The following NCALD variants were observed in gnomAD, a reference collection of about 807,000 sequenced individuals.
NCALD encodes the protein neurocalcin-delta.
Under a neutral mutation model 18.6 loss-of-function variants are expected in NCALD, and 10 were observed. The ratio of observed to expected loss-of-function variants is 0.54; its 90% CI spans 0.33 to 0.91. NCALD has a LOEUF of 0.91. Among genes scored for constraint, NCALD ranks in the 40% least tolerant of loss-of-function variants. The pLI is 0.03. For missense variants in NCALD, 184 were observed against 247.6 expected, an observed-to-expected ratio of 0.74 and a Z score of 1.72; for synonymous variants, 88 against 87.4, an observed-to-expected ratio of 1.01 and a Z score of -0.04.
chr8:101,787,291 A>T (rs1245083466), intron 1 of NCALD, among the ~76,000 whole-genome samples: 1 of 152,222 alleles, frequency 6.6e-6, no homozygotes, highest in Non-Finnish European at 1.5e-5. Flanking sequence ...TCCCAAGGCA[A>T]GTGTTCTTTT....
intron 1 of NCALD, among the ~76,000 whole-genome samples, chr8:102,112,144 G>C (rs1293121347): frequency 6.6e-6 from 1 of 152,160 alleles, no homozygotes; most frequent in African/African-American, 2.4e-5. Flanking sequence ...TTTTCTGAAA[G>C]GTAGGGTGCA....
chr8:101,709,584 C>T (rs1007625557), intron 2 of NCALD, among the ~76,000 whole-genome samples: 1 of 152,136 alleles, frequency 6.6e-6, no homozygotes, highest in Non-Finnish European at 1.5e-5. Context: ...GTGCTGTGGT[C>T]CCATTGATGG....
At chr8:101,775,472 T>A (rs956458624) in intron 1 of NCALD, among the ~76,000 whole-genome samples, 1 of 152,182 alleles carries the variant, frequency 6.6e-6, no homozygotes, top group Non-Finnish European at 1.5e-5. Flanking sequence ...AAGCCCCACC[T>A]CTGTAGATTC....
intron 1 of NCALD, among the ~76,000 whole-genome samples, chr8:101,735,521 T>C (rs928487903): frequency 2.6e-5 from 4 of 152,182 alleles, no homozygotes; most frequent in Non-Finnish European, 4.4e-5. Context: ...AGTTGTCATA[T>C]AAAAATGCAG....
chr8:102,006,603 T>A (rs2132049145), intron 2 of NCALD, among the ~76,000 whole-genome samples: 1 of 152,316 alleles, frequency 6.6e-6, no homozygotes, highest in Non-Finnish European at 1.5e-5. Context: ...AGATCCGAGC[T>A]AGAGGAGGTA....
chr8:101,803,085 G>A (rs1812931210), intron 4 of NCALD, among the ~76,000 whole-genome samples: 1 of 152,116 alleles, frequency 6.6e-6, no homozygotes, highest in East Asian at 1.9e-4. Context: ...CATAGCTAGA[G>A]AGAAGTCAAT....
At chr8:102,045,605 C>G (rs1199193122) in intron 1 of NCALD, among the ~76,000 whole-genome samples, 1 of 152,198 alleles carries the variant, frequency 6.6e-6, no homozygotes, top group Non-Finnish European at 1.5e-5. Flanking sequence ...CCAATTGGTA[C>G]TTGAATTTCC....
chr8:101,963,526 G>A (rs968457109), intron 2 of NCALD, among the ~76,000 whole-genome samples: 19 of 152,106 alleles, frequency 1.2e-4, no homozygotes, highest in African/African-American at 3.4e-4. Flanking sequence ...AACTGCTGCC[G>A]GACAGAACTA....
At chr8:102,117,412 G>A (rs1587119600) in intron 1 of NCALD, among the ~76,000 whole-genome samples, 1 of 152,156 alleles carries the variant, frequency 6.6e-6, no homozygotes, top group East Asian at 1.9e-4. Flanking sequence ...CCCACAGAGC[G>A]ATTCCAGGCC....
At chr8:102,099,630 A>T (rs529650088) in intron 1 of NCALD, among the ~76,000 whole-genome samples, 5 of 150,298 alleles carry the variant, frequency 3.3e-5, no homozygotes, top group South Asian at 4.2e-4. Flanking sequence ...TCATTAATAA[A>T]AAAAAAAAAA....
intron 4 of NCALD, among the ~76,000 whole-genome samples, chr8:101,817,976 T>C (rs1004172475): frequency 6.6e-6 from 1 of 152,200 alleles, no homozygotes; most frequent in Non-Finnish European, 1.5e-5. Flanking sequence ...GTGGACTCTG[T>C]AGTTTCGTAT....
intron 4 of NCALD, among the ~76,000 whole-genome samples, chr8:101,798,304 G>A (rs903200450): frequency 1.3e-5 from 2 of 152,184 alleles, no homozygotes; most frequent in African/African-American, 4.8e-5. Context: ...TAATAGATGA[G>A]TTTGAAAAGA....
intron 1 of NCALD, among the ~76,000 whole-genome samples, chr8:102,113,947 G>A (rs1825709113): frequency 6.6e-6 from 1 of 152,192 alleles, no homozygotes; most frequent in Non-Finnish European, 1.5e-5. Context: ...GGCTGTCAGT[G>A]CCTTAGTTCA....
At chr8:101,896,097 C>T (rs1817157555) in intron 3 of NCALD, among the ~76,000 whole-genome samples, 1 of 151,336 alleles carries the variant, frequency 6.6e-6, no homozygotes, top group South Asian at 2.1e-4. Flanking sequence ...AGGCGTCACA[C>T]TACCTGACTT....
chr8:101,842,072 T>C (rs538697964), intron 4 of NCALD, among the ~76,000 whole-genome samples: 2 of 152,328 alleles, frequency 1.3e-5, no homozygotes, highest in South Asian at 2.1e-4. Context: ...GTTGGTTTTA[T>C]CTGAGGTCTC....
intron 4 of NCALD, among the ~76,000 whole-genome samples, chr8:101,828,450 C>G (rs1443379672): frequency 6.6e-6 from 1 of 152,156 alleles, no homozygotes; most frequent in East Asian, 1.9e-4. Context: ...ACCCCCGAAT[C>G]TGCAGTTCTC....
intron 1 of NCALD, among the ~76,000 whole-genome samples, chr8:101,774,322 G>A (rs1219115750): frequency 6.6e-6 from 1 of 152,110 alleles, no homozygotes; most frequent in Non-Finnish European, 1.5e-5. Flanking sequence ...GCTTAAAGAA[G>A]GCGGAGACCT....
intron 4 of NCALD, among the ~76,000 whole-genome samples, chr8:101,874,723 T>C (rs1816159701): frequency 6.6e-6 from 1 of 152,020 alleles, no homozygotes; most frequent in South Asian, 2.1e-4. Flanking sequence ...AGACGAGGTC[T>C]TACTATGTTG....
chr8:101,926,270 G>A (rs1184075350), intron 2 of NCALD, among the ~76,000 whole-genome samples: 1 of 152,182 alleles, frequency 6.6e-6, no homozygotes, highest in African/African-American at 2.4e-5. Context: ...CTTTCCCGAG[G>A]CCTGTTTGGT....
Sources: allele counts gnomAD v4.1 joint callset (sites outside exome capture counted in the v4.1 genomes callset), GRCh38; gene constraint gnomAD v4.1.1; transcripts MANE v1.5; gene names NCBI Gene and HGNC (gene_info 2026-07-23, HGNC 2026-07-21).